Variants in CSMD3 observed in about 807,000 individuals in gnomAD.
The protein encoded by CSMD3 is CUB and Sushi multiple domains 3, also known as CUB and sushi domain-containing protein 3.
A neutral mutation model predicts 435.2 loss-of-function variants in CSMD3; 177 were observed. The observed-to-expected ratio is 0.41, with a 90% CI of 0.36 to 0.46. CSMD3 has a LOEUF of 0.46. Ranked by LOEUF, CSMD3 falls within the 20% of genes least tolerant of loss-of-function variation. CSMD3 has a pLI of 0.34. For missense variants in CSMD3, 4,265 were observed against 4,504.6 expected, an observed-to-expected ratio of 0.95 and a Z score of 1.52; for synonymous variants, 1,656 against 1,520.5, an observed-to-expected ratio of 1.09 and a Z score of -2.07.
chr8:113,353,814 T>C (rs576786792), intron 1 of CSMD3, among the ~76,000 whole-genome samples: 1 of 152,264 alleles, frequency 6.6e-6, no homozygotes, highest in South Asian at 2.1e-4. Flanking sequence ...TTGAATTTTA[T>C]GCTATTCTAT....
At chr8:112,284,652 T>G (rs1221385468) in intron 58 of CSMD3, among the ~76,000 whole-genome samples, 4 of 151,968 alleles carry the variant, frequency 2.6e-5, no homozygotes, top group Non-Finnish European at 4.4e-5. Context: ...TCCAAATTAT[T>G]GCTAGTTATA....
intron 30 of CSMD3, among the ~76,000 whole-genome samples, chr8:112,493,720 T>C (rs1820932585): frequency 6.6e-6 from 1 of 152,116 alleles, no homozygotes; most frequent in African/African-American, 2.4e-5. Flanking sequence ...TTTGAAAATA[T>C]GTAGAGAAAT....
At chr8:113,357,197 T>C (rs1430326655) in intron 1 of CSMD3, among the ~76,000 whole-genome samples, 2 of 152,232 alleles carry the variant, frequency 1.3e-5, no homozygotes, top group African/African-American at 2.4e-5. Flanking sequence ...GGAAATCATG[T>C]TTCAAAACCT....
At chr8:112,928,787 C>A (rs968565244) in intron 9 of CSMD3, among the ~76,000 whole-genome samples, 1 of 149,564 alleles carries the variant, frequency 6.7e-6, no homozygotes, top group African/African-American at 2.4e-5. Flanking sequence ...ATTTATAGTC[C>A]TTTGGGTATA....
At chr8:113,347,705 T>G (rs1261470808) in intron 1 of CSMD3, among the ~76,000 whole-genome samples, 1 of 152,128 alleles carries the variant, frequency 6.6e-6, no homozygotes, top group Non-Finnish European at 1.5e-5. Flanking sequence ...GCAGTGACAG[T>G]CCAGCTCCCA....
intron 1 of CSMD3, chr8:113,377,097 C>G: frequency 7.8e-7 from 1 of 1,283,556 alleles, no homozygotes; most frequent in South Asian, 1.4e-5. Flanking sequence ...CGCTGGACTC[C>G]CCCAAGGGCT....
chr8:112,690,118 A>G (rs1390696475), intron 13 of CSMD3, 68 bp from the exon 14 acceptor site: 3 of 1,079,630 alleles, frequency 2.8e-6, no homozygotes, highest in Non-Finnish European at 4.3e-6. Flanking sequence ...AATACAAGTT[A>G]GGTAGATATA....
chr8:112,507,963 G>A (rs1178539960), intron 28 of CSMD3, among the ~76,000 whole-genome samples: 1 of 151,906 alleles, frequency 6.6e-6, no homozygotes, highest in Non-Finnish European at 1.5e-5. Context: ...TGTTTTTGTG[G>A]TACATTATAA....
chr8:113,097,759 T>C (rs2090208870), intron 5 of CSMD3, among the ~76,000 whole-genome samples: 1 of 152,062 alleles, frequency 6.6e-6, no homozygotes, highest in Non-Finnish European at 1.5e-5. Flanking sequence ...AAACTTAACC[T>C]TTCCTCAACA....
intron 32 of CSMD3, among the ~76,000 whole-genome samples, chr8:112,437,188 A>G (rs1189546289): frequency 6.6e-6 from 1 of 152,058 alleles, no homozygotes; most frequent in Non-Finnish European, 1.5e-5. Flanking sequence ...TCAACAGTTG[A>G]AAGCAGTTGT....
chr8:113,320,251 T>A (rs537977761), intron 1 of CSMD3, among the ~76,000 whole-genome samples: 1 of 152,088 alleles, frequency 6.6e-6, no homozygotes, highest in Non-Finnish European at 1.5e-5. Context: ...CCTTATATTA[T>A]GTTTTTCAGA....
chr8:112,614,857 C>T (rs1833540474), intron 22 of CSMD3, among the ~76,000 whole-genome samples: 1 of 152,050 alleles, frequency 6.6e-6, no homozygotes, highest in Non-Finnish European at 1.5e-5. Flanking sequence ...CTACCTTTTA[C>T]TCTGGCTGGT....
intron 10 of CSMD3, among the ~76,000 whole-genome samples, chr8:112,874,933 G>T (rs977918609): frequency 6.6e-6 from 1 of 151,994 alleles, no homozygotes; most frequent in Non-Finnish European, 1.5e-5. Flanking sequence ...GGTTAATATT[G>T]TTATGTGTTA....
At chr8:112,589,023 C>G (rs532222607) in intron 22 of CSMD3, among the ~76,000 whole-genome samples, 1 of 152,172 alleles carries the variant, frequency 6.6e-6, no homozygotes, top group South Asian at 2.1e-4. Context: ...GAAGAGAATG[C>G]AAATTATTTT....
chr8:112,360,664 T>G (rs375087352), intron 38 of CSMD3, among the ~76,000 whole-genome samples: 3 of 151,882 alleles, frequency 2.0e-5, no homozygotes, highest in East Asian at 1.9e-4. Context: ...TTTTTGTATA[T>G]AATAAAATAA....
intron 41 of CSMD3, among the ~76,000 whole-genome samples, chr8:112,343,244 A>G (rs1419048031): frequency 6.6e-6 from 1 of 152,028 alleles, no homozygotes. Context: ...ACTATTTTTA[A>G]TAATTCATTT....
At chr8:112,724,970 G>T (rs1165284131) in intron 13 of CSMD3, among the ~76,000 whole-genome samples, 1 of 152,020 alleles carries the variant, frequency 6.6e-6, no homozygotes, top group Non-Finnish European at 1.5e-5. Context: ...GAACATTTTT[G>T]ACTTTGCCAA....
At position 113,173,769 on chromosome 8, in the gene CSMD3, T is replaced by C. The variant is rs1263043337; in HGVS notation, c.662A>G (p.Asn221Ser). ...DGHPQLTCIA[N>S]SVNTASWDFP... is the part of the protein sequence containing the mutation. ...ATCCCACGAAGCTGTATTAACTGAA[T>C]TGGCTATGCAGGTGAGCTGAGGGTG... The change falls in exon 4 of 71, where the codon AAT becomes AGT. Residue 221 changes from asparagine (N) to serine (S), a missense_variant. Asn to Ser is a conservative substitution (Grantham distance 46). Transcript: ENST00000297405. 3.1e-6 allele frequency: 5 copies of C among 1,613,694 alleles called. No homozygotes were observed. The East Asian group carries it at 6.7e-5, about 22-fold the overall frequency.
chr8:112,399,959 CT>C (rs796511048), intron 35 of CSMD3, among the ~76,000 whole-genome samples: 5 of 152,222 alleles, frequency 3.3e-5, no homozygotes, highest in African/African-American at 9.6e-5. Context: ...CGTTACAGTT[CT>C]TTCACAACAA....
Sources: gnomAD v4.1 joint callset for allele counts (sites outside exome capture counted in the v4.1 genomes callset) on GRCh38, gnomAD v4.1.1 for gene constraint, MANE v1.5 for transcripts, NCBI Gene and HGNC (gene_info 2026-07-23, HGNC 2026-07-21) for gene names.